The following EPHB6 variants were observed in gnomAD, a reference collection of about 807,000 sequenced individuals.
EPHB6 encodes ephrin type-B receptor 6.
In EPHB6, 51 loss-of-function variants were observed where a neutral mutation model predicts 107.0. That is an observed-to-expected ratio of 0.48 (90% confidence interval 0.38 to 0.60). EPHB6 has a LOEUF of 0.60. Ranked by LOEUF, EPHB6 falls within the 20% of genes least tolerant of loss-of-function variation. EPHB6 has a pLI of 0.00. For missense variants in EPHB6, 1,141 were observed against 1,355.5 expected, an observed-to-expected ratio of 0.84 and a Z score of 2.48; for synonymous variants, 553 against 549.0, an observed-to-expected ratio of 1.01 and a Z score of -0.10.
rs779913432 is a variant in EPHB6 at position 142,869,988 on chromosome 7, G to C, written c.2610+22G>C. 2 of 1,614,116 alleles carry C rather than the reference G, an allele frequency of 1.2e-6. No individual in the cohort carries two copies. Among genetic ancestry groups the C allele is most frequent in the Non-Finnish European group, 1.7e-6 (2 of 1,180,014 alleles). On this transcript the variant is annotated intron_variant, in intron 17 of 19. Coordinates refer to ENST00000652003, the MANE Select transcript of EPHB6 (RefSeq NM_004445.6). This position sits in a 1 kb window ranked among gnomAD's most constrained non-coding sequence, Gnocchi z 4.5. ...GGAGGTGAGCACTGACCTAGACACT[G>C]CTGATTTCCCACCCCGATCCCTCCC...
At chr7:142,863,937 C>T in intron 6 of EPHB6, 29 bp from the exon 7 acceptor site, 1 of 1,614,156 alleles carries the variant, frequency 6.2e-7, no homozygotes, top group Non-Finnish European at 8.5e-7. Context: ...GCCCGGAGCC[C>T]CTAAAGCTTC....
rs1212947232 is a variant in EPHB6, at chr7:142,867,194, A to G, written c.1750+126A>G. ...CCAACCAGAAGTTCTGTGGGAAAGG[A>G]GAGTGCCTTTTGCTCAGCAGCTGAC... On this transcript the variant is annotated intron_variant, in intron 11 of 19. Coordinates refer to ENST00000652003, the MANE Select transcript of EPHB6 (RefSeq NM_004445.6). The surrounding 1 kb of genome is among the most constrained non-coding windows in gnomAD (Gnocchi z 5.3). 2.3e-5 allele frequency: 29 copies of G among 1,275,506 alleles called. No individual in the cohort carries two copies. The highest frequency in any genetic ancestry group is 2.7e-4 in the Middle Eastern group (1 of 3,680). The allele number at this position is 1,275,506 out of a possible 1,614,324, so 79.0% of individuals were successfully genotyped here.
In EPHB6 at chr7:142,866,323, T is replaced by A; in HGVS notation, c.1462+7T>A. 6.2e-7 allele frequency: 1 copy of A among 1,613,738 alleles called. No individual in the cohort carries two copies. Among genetic ancestry groups the A allele is most frequent in the Admixed American group, 1.7e-5 (1 of 60,028 alleles). ...GTCAGCACCAGCCATGAAGGTGAGC[T>A]CTTTTCCTTGGCCTTCAGGATCCCC... On this transcript the variant is annotated splice_region_variant and intron_variant, in intron 9 of 19. Coordinates refer to ENST00000652003, the MANE Select transcript of EPHB6 (RefSeq NM_004445.6). This position sits in a 1 kb window ranked among gnomAD's most constrained non-coding sequence, Gnocchi z 5.2.
At position 142,864,388 on chromosome 7, in the gene EPHB6, C is replaced by T. The variant is rs375814622; in HGVS notation, c.588C>T (p.Asn196=). ...GAGQRAGLQL[N]VKERSFGPLT... is the part of the protein sequence containing the mutation. ...GGCAGCGGGCTGGACTGCAACTGAA[C>T]GTCAAAGAGCGGAGCTTTGGGCCTC... The change falls in exon 7 of 20, where the codon AAC becomes AAT. Residue 196 remains asparagine, a synonymous_variant. Transcript: ENST00000652003. The T allele has an allele frequency of 2.5e-4, 410 of 1,612,964 alleles. No individual in the cohort carries two copies. The highest frequency in any genetic ancestry group is 3.3e-4 in the Non-Finnish European group (384 of 1,179,820).
At chr7:142,863,002 G>T (rs1314568255) in intron 4 of EPHB6, 125 bp from the exon 5 acceptor site, 2 of 586,242 alleles carry the variant, frequency 3.4e-6, no homozygotes, top group East Asian at 5.7e-5. Flanking sequence ...CCCATGGTGG[G>T]TGCTGGGGCG....
chr7:142,865,431 G>A (rs2116434060), intron 7 of EPHB6, 44 bp from the exon 8 acceptor site: 1 of 1,610,642 alleles, frequency 6.2e-7, no homozygotes. Context: ...CAGGGTGGGT[G>A]GACAGAGCGA....
chr7:142,866,653 T>C lies in EPHB6; in HGVS notation c.1587+48T>C, dbSNP rs964476947. The C allele has an allele frequency of 6.2e-7, 1 of 1,613,038 alleles. No individual in the cohort carries two copies. Among genetic ancestry groups the C allele is most frequent in the South Asian group, 1.1e-5 (1 of 91,056 alleles). ...CCGCAGTAGGGCTGGTAGGAGCTCA[T>C]AGGCCTCACAGTGGGGCCCAGAGGT... On this transcript the variant is annotated intron_variant, in intron 10 of 19. Coordinates refer to ENST00000652003, the MANE Select transcript of EPHB6 (RefSeq NM_004445.6). This position sits in a 1 kb window ranked among gnomAD's most constrained non-coding sequence, Gnocchi z 5.2.
At position 142,868,161 on chromosome 7, in the gene EPHB6, G is replaced by C; in HGVS notation, c.1919-80G>C. 6.2e-7 allele frequency: 1 copy of C among 1,613,968 alleles called. No individual in the cohort carries two copies. Among genetic ancestry groups the C allele is most frequent in the Non-Finnish European group, 8.5e-7 (1 of 1,179,926 alleles). ...GGGAGCTCCTTGGCACAACCTTCTG[G>C]AGGTAAGTGGGCATGTCTGGGGTGC... is the stretch of plus-strand genomic sequence containing the variant. On this transcript the variant is annotated intron_variant, in intron 13 of 19. Transcript: ENST00000652003. This position sits in a 1 kb window ranked among gnomAD's most constrained non-coding sequence, Gnocchi z 4.2.
Position 142,866,376 on chromosome 7 carries a change from C to T in EPHB6, c.1462+60C>T, listed in dbSNP as rs1586166294. The stretch of plus-strand genomic sequence containing the variant: ...CCTCCGCTCCTTTGAGCCCCCTTCC[C>T]TACTCCTGATCTCCAGCCTGGTCCA... On this transcript the variant is annotated intron_variant, in intron 9 of 19. Coordinates refer to ENST00000652003, the MANE Select transcript of EPHB6 (RefSeq NM_004445.6). The surrounding 1 kb of genome is among the most constrained non-coding windows in gnomAD (Gnocchi z 5.2). The T allele has an allele frequency of 6.2e-7, 1 of 1,611,934 alleles. No individual in the cohort carries two copies. Among genetic ancestry groups the T allele is most frequent in the East Asian group, 2.2e-5 (1 of 44,876 alleles).
chr7:142,866,907 C>T lies in EPHB6; in HGVS notation c.1589C>T (p.Ala530Val). The T allele has an allele frequency of 6.2e-7, 1 of 1,614,004 alleles. No individual in the cohort carries two copies. Among genetic ancestry groups the T allele is most frequent in the East Asian group, 2.2e-5 (1 of 44,862 alleles). ...LDYQLRYYDQAEDESHSFTLT... is the reference protein window; with the variant it reads ...LDYQLRYYDQVEDESHSFTLT... ...GGAGTGAGTGGCTGTTACCCCCAGG[C>T]AGAAGACGAATCCCACTCCTTCACC... Residue 530 changes from alanine (A) to valine (V), a missense_variant and splice_region_variant, in exon 11 of 20, where the codon GCA becomes GTA. Physicochemically the swap from Ala to Val is moderately conservative, Grantham distance 64. This residue lies in a region of EPHB6 where 616 missense variants were observed against 759.3 expected (regional missense o/e 0.81). Coordinates refer to ENST00000652003, the MANE Select transcript of EPHB6 (RefSeq NM_004445.6). The surrounding 1 kb of genome is among the most constrained non-coding windows in gnomAD (Gnocchi z 5.2).
chr7:142,870,016 G>T, intron 17 of EPHB6, 50 bp downstream of exon 17: 1 of 1,613,770 alleles, frequency 6.2e-7, no homozygotes, highest in African/African-American at 1.3e-5. Context: ...TCCCTCCCAG[G>T]TTGGAACATT....
rs144361430 is a variant in EPHB6, at chr7:142,864,124, C to T, written c.324C>T (p.His108=). 7 of 1,614,034 alleles carry T rather than the reference C, an allele frequency of 4.3e-6. No homozygotes were observed. The highest frequency in any genetic ancestry group is 5.1e-6 in the Non-Finnish European group (6 of 1,180,044). Residue 108 remains histidine, a synonymous_variant, in exon 7 of 20, where the codon CAC becomes CAT. Coordinates refer to ENST00000652003, the MANE Select transcript of EPHB6 (RefSeq NM_004445.6). ...CCCAGAGGGCGCACATTCGACTCCA[C>T]TTCTCTGTGCGGGCATGCTCCAGCC... ...RGAQRAHIRL[H]FSVRACSSLG...
intron 1 of EPHB6, among the ~76,000 whole-genome samples, chr7:142,858,697 T>C (rs1374813949): frequency 1.3e-5 from 2 of 151,644 alleles, no homozygotes; most frequent in South Asian, 2.1e-4. Flanking sequence ...CCGCCCACCT[T>C]GGCCTCCCAA....
At position 142,863,224 on chromosome 7, in the gene EPHB6, T is replaced by C. The variant is rs757057156; in HGVS notation, c.-4T>C. 6.2e-7 allele frequency: 1 copy of C among 1,613,880 alleles called. No individual in the cohort carries two copies. Reference sequence around the variant, plus strand: ...GGCGATGGTGGACGCCCTGAAGATGTCCCATGGCTACTGAAGGGGCTGCCC... The same window carrying C: ...GGCGATGGTGGACGCCCTGAAGATGCCCCATGGCTACTGAAGGGGCTGCCC... On this transcript the variant is annotated 5_prime_UTR_variant, in exon 5 of 20. Coordinates refer to ENST00000652003, the MANE Select transcript of EPHB6 (RefSeq NM_004445.6).
rs1280083646 is a variant in EPHB6, at chr7:142,863,291, G to T, written c.64G>T (p.Val22Leu). The change falls in exon 5 of 20, where the codon GTG becomes TTG. Residue 22 changes from valine (V) to leucine (L), a missense_variant. Val to Leu is a conservative substitution (Grantham distance 32). Coordinates refer to ENST00000652003, the MANE Select transcript of EPHB6 (RefSeq NM_004445.6). ...RVAGMVCSLW[V>L]LLLVSSVLAL... ...GGCGGGCATGGTGTGTAGCCTATGGGTGCTGCTCCTGGTGTCTTCAGTTCT... is the reference window on the plus strand; with the variant it reads ...GGCGGGCATGGTGTGTAGCCTATGGTTGCTGCTCCTGGTGTCTTCAGTTCT... 1 of 1,613,904 alleles carries T rather than the reference G, an allele frequency of 6.2e-7. No individual in the cohort carries two copies. Among genetic ancestry groups the T allele is most frequent in the African/African-American group, 1.3e-5 (1 of 74,868 alleles).
Position 142,864,540 on chromosome 7 carries a change from A to G in EPHB6, c.740A>G (p.Gln247Arg), listed in dbSNP as rs1424052904. The G allele has an allele frequency of 4.3e-6, 7 of 1,613,234 alleles. No individual in the cohort carries two copies. The highest frequency in any genetic ancestry group is 5.9e-6 in the Non-Finnish European group (7 of 1,179,960). Reference protein sequence around the residue: ...LRSFASFPETQASGAGGASLV... With the variant: ...LRSFASFPETRASGAGGASLV... ...TCCTTTGCTTCCTTTCCAGAGACGC[A>G]GGCCAGTGGGGCTGGGGGGGCCTCC... is the stretch of plus-strand genomic sequence containing the variant. The change falls in exon 7 of 20, where the codon CAG becomes CGG. Residue 247 changes from glutamine (Q) to arginine (R), a missense_variant. By Grantham distance (43) the Gln-to-Arg change is conservative (BLOSUM62 1). Coordinates refer to ENST00000652003, the MANE Select transcript of EPHB6 (RefSeq NM_004445.6).
Position 142,870,853 on chromosome 7 carries a change from C to T in EPHB6, c.3018C>T (p.His1006=). The change falls in exon 20 of 20, where the codon CAC becomes CAT. Residue 1006 remains histidine, a synonymous_variant. Coordinates refer to ENST00000652003, the MANE Select transcript of EPHB6 (RefSeq NM_004445.6). The stretch of plus-strand genomic sequence containing the variant: ...GCCACCAGAAGAAGCTGCTGCACCA[C>T]ATCCAGCTCCTTCAGCAACACCTGA... ...LAGHQKKLLH[H]IQLLQQHLRQ... is the part of the protein sequence containing the mutation. 2 of 1,614,118 alleles carry T rather than the reference C, an allele frequency of 1.2e-6. No individual in the cohort carries two copies. The highest frequency in any genetic ancestry group is 8.5e-7 in the Non-Finnish European group (1 of 1,179,982).
chr7:142,866,989 T>C lies in EPHB6; in HGVS notation c.1671T>C (p.Tyr557=). ...CACAGCTGAGCCCTGGCCACATCTA[T>C]GGTTTCCAGGTGCGGGCCCGGACTG... is the stretch of plus-strand genomic sequence containing the variant. The part of the protein sequence containing the change: ...TVTQLSPGHI[Y]GFQVRARTAA... The change falls in exon 11 of 20, where the codon TAT becomes TAC. Residue 557 remains tyrosine, a synonymous_variant. Transcript: ENST00000652003. The surrounding 1 kb of genome is among the most constrained non-coding windows in gnomAD (Gnocchi z 5.2). 1.2e-6 allele frequency: 2 copies of C among 1,613,706 alleles called. No homozygotes were observed. The highest frequency in any genetic ancestry group is 1.1e-5 in the South Asian group (1 of 91,054).
chr7:142,870,943 C>T lies in EPHB6; in HGVS notation c.*39C>T, dbSNP rs370057349. ...CGTGACTCAGCCCTGGACACTGGTC[C>T]GAGAAGGGACATGTGGGACGTGAGC... is the stretch of plus-strand genomic sequence containing the variant. On this transcript the variant is annotated 3_prime_UTR_variant, in exon 20 of 20. Coordinates refer to ENST00000652003, the MANE Select transcript of EPHB6 (RefSeq NM_004445.6). The T allele has an allele frequency of 1.3e-5, 21 of 1,579,828 alleles. No individual in the cohort carries two copies. The highest frequency in any genetic ancestry group is 4.0e-5 in the African/African-American group (3 of 74,166).
Sources: gnomAD v4.1 joint callset for allele counts (sites outside exome capture counted in the v4.1 genomes callset) on GRCh38, gnomAD v4.1.1 for gene constraint, gnomAD v4.1.1 regional missense constraint, Gnocchi (gnomAD v3.1) non-coding constraint, MANE v1.5 for transcripts, NCBI Gene and HGNC (gene_info 2026-07-23, HGNC 2026-07-21) for gene names.